Variants in GPM6A observed in about 807,000 individuals in gnomAD.
The protein encoded by GPM6A is glycoprotein M6A.
A neutral mutation model predicts 32.1 loss-of-function variants in GPM6A; 7 were observed. The observed-to-expected ratio is 0.22, with a 90% CI of 0.12 to 0.41. GPM6A has a LOEUF of 0.41. Ranked by LOEUF, GPM6A falls within the 10% of genes least tolerant of loss-of-function variation. The pLI, the probability that GPM6A is intolerant of heterozygous loss-of-function variation, is 1.00. For synonymous variants in GPM6A, 130 were observed against 123.4 expected, an observed-to-expected ratio of 1.05 and a Z score of -0.35; for missense variants, 235 against 347.2, an observed-to-expected ratio of 0.68 and a Z score of 2.57.
chr4:175,876,089 C>T (rs146987091), intron 1 of GPM6A, among the ~76,000 whole-genome samples: 1 of 152,276 alleles, frequency 6.6e-6, no homozygotes, highest in Non-Finnish European at 1.5e-5. Flanking sequence ...AAATTGAGAA[C>T]GTTAGACAAA....
chr4:175,652,531 T>C (rs1254914221), intron 3 of GPM6A, among the ~76,000 whole-genome samples: 3 of 151,982 alleles, frequency 2.0e-5, no homozygotes, highest in Non-Finnish European at 4.4e-5. Context: ...AAGTCTGTTT[T>C]GTTTTATGCA....
intron 1 of GPM6A, among the ~76,000 whole-genome samples, chr4:175,982,224 A>G (rs1396182839): frequency 6.6e-6 from 1 of 152,150 alleles, no homozygotes; most frequent in Non-Finnish European, 1.5e-5. Context: ...GTGTCACAAA[A>G]TAAGACACAA....
At chr4:175,928,308 A>G (rs922082951) in intron 1 of GPM6A, among the ~76,000 whole-genome samples, 4 of 152,222 alleles carry the variant, frequency 2.6e-5, no homozygotes. Context: ...ATGAAATATT[A>G]CAGTTTTAAA....
At chr4:175,678,615 C>T (rs534493120) in intron 2 of GPM6A, among the ~76,000 whole-genome samples, 29 of 152,250 alleles carry the variant, frequency 1.9e-4, no homozygotes, top group African/African-American at 6.7e-4. Flanking sequence ...GGCTGACTTT[C>T]ACTGCCTGAA....
chr4:175,687,087 T>C (rs73020145), intron 2 of GPM6A, among the ~76,000 whole-genome samples: 7,170 of 152,296 alleles, frequency 0.047, 202 homozygotes, highest in Non-Finnish European at 0.063. Flanking sequence ...ACAGAGTATC[T>C]GCAATTTTGC....
chr4:175,838,589 C>T (rs141851417), intron 1 of GPM6A, among the ~76,000 whole-genome samples: 2 of 150,872 alleles, frequency 1.3e-5, no homozygotes, highest in East Asian at 4.0e-4. Context: ...TTACCCCTTC[C>T]TGGCCATTAG....
At chr4:175,806,912 C>T (rs1428688786) in intron 1 of GPM6A, 1 of 152,178 alleles carries the variant, frequency 6.6e-6, no homozygotes, top group Non-Finnish European at 1.5e-5. Context: ...TGATTTGTGA[C>T]AGCATTTGCT....
chr4:175,813,076 A>G, upstream of GPM6A: 4 of 984,066 alleles, frequency 4.1e-6, no homozygotes, highest in Non-Finnish European at 4.8e-6. Flanking sequence ...ATGACTCTTA[A>G]GTAAAAGGGA....
intron 1 of GPM6A, among the ~76,000 whole-genome samples, chr4:175,872,016 C>A (rs1025463022): frequency 6.6e-6 from 1 of 152,186 alleles, no homozygotes; most frequent in African/African-American, 2.4e-5. Flanking sequence ...TTATAAAACA[C>A]AATCTCTCTA....
intron 1 of GPM6A, among the ~76,000 whole-genome samples, chr4:175,797,198 C>T (rs894980167): frequency 6.6e-6 from 1 of 152,000 alleles, no homozygotes; most frequent in Non-Finnish European, 1.5e-5. Flanking sequence ...AGCTGGGATA[C>T]TGATAGTTAT....
intron 1 of GPM6A, among the ~76,000 whole-genome samples, chr4:175,917,163 C>T (rs112416000): frequency 7.2e-5 from 11 of 152,116 alleles, no homozygotes; most frequent in African/African-American, 2.4e-4. Flanking sequence ...TTTCCTCCAG[C>T]GGGTGGGGGT....
chr4:175,968,358 T>C (rs893399812), intron 1 of GPM6A, among the ~76,000 whole-genome samples: 5 of 152,146 alleles, frequency 3.3e-5, no homozygotes, highest in African/African-American at 1.2e-4. Context: ...TAAGTGATTT[T>C]AGGTTTAGTG....
intron 1 of GPM6A, among the ~76,000 whole-genome samples, chr4:175,943,710 T>C (rs572453382): frequency 1.3e-5 from 2 of 152,322 alleles, no homozygotes; most frequent in South Asian, 4.1e-4. Context: ...TTAACCAGCC[T>C]TACATCCCAG....
intron 1 of GPM6A, among the ~76,000 whole-genome samples, chr4:175,941,973 T>G (rs1337799796): frequency 6.6e-6 from 1 of 152,236 alleles, no homozygotes; most frequent in African/African-American, 2.4e-5. Flanking sequence ...CCACAACGGT[T>G]GAACTAATTT....
At chr4:176,001,106 C>T (rs1741462156) in intron 1 of GPM6A, among the ~76,000 whole-genome samples, 1 of 152,188 alleles carries the variant, frequency 6.6e-6, no homozygotes, top group African/African-American at 2.4e-5. Flanking sequence ...TCCAAGTTGG[C>T]TACTGTCTAT....
intron 1 of GPM6A, among the ~76,000 whole-genome samples, chr4:175,846,807 A>G (rs1736100715): frequency 6.6e-6 from 1 of 152,086 alleles, no homozygotes; most frequent in Non-Finnish European, 1.5e-5. Flanking sequence ...ACTTTAATAA[A>G]AATATACAGA....
rs530583706 is a variant in GPM6A at position 175,655,709 on chromosome 4, G to GA, written c.388-3723dup. ...TGTTTGGGAAACATGGTGGAAAAAT[G>GA]AAAAAAAATGATAAAAGTACTACTG... On this transcript the variant is annotated intron_variant, in intron 3 of 6. Transcript: ENST00000393658. Among the ~76,000 whole-genome samples the GA allele has an allele frequency of 7.1e-4, 108 of 151,550 alleles. No homozygotes were observed. In the Middle Eastern group the frequency reaches 0.01, roughly 14 times the overall value.
intron 1 of GPM6A, among the ~76,000 whole-genome samples, chr4:175,966,534 G>A (rs1199075310): frequency 1.3e-5 from 2 of 151,602 alleles, no homozygotes; most frequent in African/African-American, 2.4e-5. Context: ...GATTATGAAG[G>A]TGGAGTTCTC....
intron 2 of GPM6A, among the ~76,000 whole-genome samples, chr4:175,697,549 C>T (rs1265394292): frequency 6.6e-6 from 1 of 152,100 alleles, no homozygotes; most frequent in Non-Finnish European, 1.5e-5. Context: ...AAGTTGCACA[C>T]TTCTTATCAA....
Sources: gnomAD v4.1 joint callset for allele counts (sites outside exome capture counted in the v4.1 genomes callset) on GRCh38, gnomAD v4.1.1 for gene constraint, MANE v1.5 for transcripts, NCBI Gene and HGNC (gene_info 2026-07-23, HGNC 2026-07-21) for gene names.